The following RS1 variants were observed in gnomAD, a reference collection of about 807,000 sequenced individuals.
RS1 encodes retinoschisin.
Under a neutral mutation model 20.8 loss-of-function variants are expected in RS1, and 2 were observed. The ratio of observed to expected loss-of-function variants is 0.10; its 90% CI spans 0.04 to 0.30. The LOEUF is 0.30. RS1 is among the 10% of genes least tolerant of loss of function. The probability of loss-of-function intolerance (pLI) is 1.00; values close to 1 mark genes in which losing one functional copy is unlikely to be tolerated. For missense variants in RS1, 151 were observed against 189.8 expected (o/e 0.80, Z 1.20); for synonymous variants, 70 against 75.8 (o/e 0.92, Z 0.40).
chrX:18,645,632 TC>T (rs1927740967), intron 4 of RS1, among the ~76,000 whole-genome samples: 1 of 110,868 alleles, frequency 9.0e-6, no homozygotes, highest in African/African-American at 3.3e-5. Flanking sequence ...CTAGCCCGTG[TC>T]CCCCTCTTTC....
At chrX:18,649,552 G>A (rs764681641) in intron 3 of RS1, among the ~76,000 whole-genome samples, 19 of 111,780 alleles carry the variant, frequency 1.7e-4, no homozygotes, top group African/African-American at 1.9e-4. Context: ...CCCAATGCAC[G>A]AAAGGAATAG....
At chrX:18,656,084 C>T (rs779725474) in intron 3 of RS1, among the ~76,000 whole-genome samples, 3 of 104,493 alleles carry the variant, frequency 2.9e-5, no homozygotes, top group South Asian at 4.5e-4. Flanking sequence ...CTCCGCCTCC[C>T]GGGTTCAAGC....
intron 3 of RS1, among the ~76,000 whole-genome samples, chrX:18,655,161 A>G (rs1259917562): frequency 9.0e-6 from 1 of 111,691 alleles, no homozygotes; most frequent in Admixed American, 9.5e-5. Context: ...AAAGAAACCA[A>G]CCTTTATTCA....
At chrX:18,658,699 C>T (rs1231247219) in intron 1 of RS1, among the ~76,000 whole-genome samples, 4 of 110,620 alleles carry the variant, frequency 3.6e-5, no homozygotes, top group Non-Finnish European at 7.5e-5. Flanking sequence ...TCAGGTGATA[C>T]TCCTGCCTTG....
chrX:18,664,125 C>T (rs995166621), intron 1 of RS1, among the ~76,000 whole-genome samples: 7 of 112,283 alleles, frequency 6.2e-5, no homozygotes, highest in Middle Eastern at 4.6e-3. Context: ...TGATCCATAG[C>T]GGCAGTATTT....
intron 3 of RS1, among the ~76,000 whole-genome samples, chrX:18,651,082 C>T (rs1928007334): frequency 9.1e-6 from 1 of 110,044 alleles, no homozygotes; most frequent in East Asian, 2.9e-4. Flanking sequence ...TCCATTGCCC[C>T]TCTATCCTAC....
intron 3 of RS1, chrX:18,647,675 G>A: frequency 4.1e-6 from 1 of 246,496 alleles, no homozygotes; most frequent in South Asian, 7.0e-5. Flanking sequence ...GAGGTGCACA[G>A]TGAAATACCA....
chrX:18,650,363 C>A, intron 3 of RS1: 1 of 1,172,515 alleles, frequency 8.5e-7, no homozygotes, highest in East Asian at 3.0e-5. Context: ...CGATGCCTGC[C>A]TCCCGGGCCC....
chrX:18,657,157 C>T (rs1928230473), intron 2 of RS1, among the ~76,000 whole-genome samples: 1 of 107,459 alleles, frequency 9.3e-6, no homozygotes, highest in Non-Finnish European at 1.9e-5. Context: ...CTCATTCAAA[C>T]ACCAATCGTG....
intron 4 of RS1, 101 bp from the exon 5 acceptor site, chrX:18,644,726 C>A: frequency 1.1e-6 from 1 of 881,217 alleles, no homozygotes; most frequent in Non-Finnish European, 1.6e-6. Context: ...TCCAAAGAGC[C>A]CCCTGCCAAG....
At chrX:18,650,112 C>G in intron 3 of RS1, 2 of 370,505 alleles carry the variant, frequency 5.4e-6, no homozygotes, top group Non-Finnish European at 9.6e-6. Flanking sequence ...CCCTTCACAT[C>G]TCTTTTGCCA....
chrX:18,652,430 A>T (rs1363037239), intron 3 of RS1, among the ~76,000 whole-genome samples: 1 of 112,314 alleles, frequency 8.9e-6, no homozygotes, highest in African/African-American at 3.2e-5. Flanking sequence ...GCACTTTGGG[A>T]GGCCGAGGCG....
chrX:18,647,582 G>C, intron 3 of RS1: 1 of 388,644 alleles, frequency 2.6e-6, no homozygotes, highest in East Asian at 4.4e-5. Flanking sequence ...GAGGGAAGTG[G>C]CTCTATGGCA....
chrX:18,653,608 A>C, intron 3 of RS1: 1 of 1,136,622 alleles, frequency 8.8e-7, no homozygotes, highest in Non-Finnish European at 1.2e-6. Context: ...GAACCAATTA[A>C]CACCAATGAA....
chrX:18,657,655 T>C lies in RS1; in HGVS notation c.63A>G (p.Gly21=). The change falls in exon 2 of 6, where the codon GGA becomes GGG. Residue 21 remains glycine (G), a synonymous_variant. Transcript: ENST00000379984. Reference sequence around the variant, plus strand: ...TGTTACATACCTCGGTAGACGATAATCCCAATGTGGCTAAAGCAAAAGGAT... The same window carrying C: ...TGTTACATACCTCGGTAGACGATAACCCCAATGTGGCTAAAGCAAAAGGAT... ...LLLFGYEATL[G]LSSTEDEGED... 1 of 1,198,568 alleles carries C rather than the reference T, an allele frequency of 8.3e-7. No homozygotes were observed. Among genetic ancestry groups the C allele is most frequent in the East Asian group, 3.0e-5 (1 of 33,795 alleles).
chrX:18,656,565 C>A, intron 3 of RS1, 88 bp downstream of exon 3: 1 of 689,803 alleles, frequency 1.4e-6, no homozygotes, highest in Non-Finnish European at 2.4e-6. Context: ...GGGTAGCGTT[C>A]AGGGGGTTAA....
At position 18,647,232 on chromosome X, in the gene RS1, C is replaced by T. The variant is rs143920122; in HGVS notation, c.285G>A (p.Ser95=). 131 of 1,208,677 alleles carry T rather than the reference C, an allele frequency of 1.1e-4. No individual in the cohort carries two copies. The highest frequency in any genetic ancestry group is 6.2e-4 in the East Asian group (21 of 33,715). ...NPEQYVGWYS[S]WTANKARLNS... ...TGAGCCGGGCCTTGTTTGCAGTCCA[C>T]GAAGAATACCAGCCCACATACTGCT... The change falls in exon 4 of 6, where the codon TCG becomes TCA. Residue 95 remains serine (S), a synonymous_variant. Transcript: ENST00000379984.
rs747948749 is a variant in RS1 at position 18,656,643 on chromosome X, G to A, written c.184+10C>T. 6 of 1,165,147 alleles carry A rather than the reference G, an allele frequency of 5.1e-6. No homozygotes were observed. In the Admixed American group the frequency reaches 1.3e-4, roughly 25 times the overall value. On this transcript the variant is annotated intron_variant, in intron 3 of 5. Transcript: ENST00000379984. ...ATGACTGTTCCATCCCAAGGACAGG[G>A]GATACTCACCTGGTATACAGTCCAA...
At chrX:18,671,015 C>T (rs1475968780) in intron 1 of RS1, among the ~76,000 whole-genome samples, 2 of 111,444 alleles carry the variant, frequency 1.8e-5, no homozygotes, top group African/African-American at 3.3e-5. Context: ...ATAAATTAGC[C>T]GGATGTGGTG....
Sources: gnomAD v4.1 joint callset for allele counts (sites outside exome capture counted in the v4.1 genomes callset) on GRCh38, gnomAD v4.1.1 for gene constraint, MANE v1.5 for transcripts, NCBI Gene and HGNC (gene_info 2026-07-23, HGNC 2026-07-21) for gene names.